ANKRD33: variants seen among roughly 807,000 people sequenced by gnomAD.
The protein encoded by ANKRD33 is photoreceptor ankyrin repeat protein.
A neutral mutation model predicts 20.6 loss-of-function variants in ANKRD33; 20 were observed. That is an observed-to-expected ratio of 0.97 (90% confidence interval 0.68 to 1.41). ANKRD33 has a LOEUF of 1.41. Among genes scored for constraint, ANKRD33 ranks in the 40% most tolerant of loss-of-function variants. ANKRD33 has a pLI of 0.00. For missense variants in ANKRD33, 545 were observed against 579.6 expected, an observed-to-expected ratio of 0.94 and a Z score of 0.61; for synonymous variants, 246 against 245.0, an observed-to-expected ratio of 1.00 and a Z score of -0.04.
Position 51,888,400 on chromosome 12 carries a change from G to A in ANKRD33, c.145+69G>A, listed in dbSNP as rs1940291788. 9.4e-6 allele frequency: 15 copies of A among 1,601,440 alleles called. No homozygotes were observed. In the Admixed American group the frequency reaches 2.5e-4, roughly 26 times the overall value. On this transcript the variant is annotated intron_variant, in intron 1 of 4. Coordinates refer to ENST00000301190, the MANE Select transcript of ANKRD33 (RefSeq NM_182608.4). ...TGCTGACCTAGAGTGAACCCTGCTT[G>A]CTTAGGGCTCCTGACCCAGCGCTTG... is the stretch of plus-strand genomic sequence containing the variant.
At position 51,891,209 on chromosome 12, in the gene ANKRD33, A is replaced by G. The variant is rs1267021413; in HGVS notation, c.1263A>G (p.Ser421=). Residue 421 remains serine (S), a synonymous_variant, in exon 5 of 5, where the codon TCA becomes TCG. Transcript: ENST00000301190. ...SHQCQPKPSP[S]GHQSLALPLW... is the part of the protein sequence containing the mutation. ...AGTGCCAGCCGAAGCCCAGTCCTTC[A>G]GGACACCAAAGTCTGGCCCTTCCTC... The G allele has an allele frequency of 6.2e-7, 1 of 1,614,264 alleles. No homozygotes were observed. Among genetic ancestry groups the G allele is most frequent in the Non-Finnish European group, 8.5e-7 (1 of 1,180,048 alleles).
chr12:51,891,294 G>A lies in ANKRD33; in HGVS notation c.1348G>A (p.Ala450Thr), dbSNP rs1221677434. 8 of 1,613,900 alleles carry A rather than the reference G, an allele frequency of 5.0e-6. No individual in the cohort carries two copies. The highest frequency in any genetic ancestry group is 1.6e-4 in the Middle Eastern group (1 of 6,084). ...KRKQEEEARM[A>T]QK ...GAAACAGGAGGAGGAGGCCAGAATG[G>A]CACAGAAGTAGGGGAAGATGGGATA... The change falls in exon 5 of 5, where the codon GCA becomes ACA. Residue 450 changes from alanine to threonine, a missense_variant. By Grantham distance (58) the Ala-to-Thr change is moderately conservative. Coordinates refer to ENST00000301190, the MANE Select transcript of ANKRD33 (RefSeq NM_182608.4).
In ANKRD33 at chr12:51,891,095, C is replaced by A. The variant is rs149562013; in HGVS notation, c.1149C>A (p.Cys383Ter). Reference sequence around the variant, plus strand: ...GCCCTCAGGGCATATTGAGCAAGTGCCTTCAGTGGCTACAACCCAGGGATA... The same window carrying A: ...GCCCTCAGGGCATATTGAGCAAGTGACTTCAGTGGCTACAACCCAGGGATA... Reference protein sequence around the residue: ...YQSPQGILSKCLQWLQPRDST... With the variant: ...YQSPQGILSK The change falls in exon 5 of 5, where the codon TGC becomes TGA. Residue 383 changes from cysteine (C) to a stop codon, truncating the protein, a stop_gained. Coordinates refer to ENST00000301190, the MANE Select transcript of ANKRD33 (RefSeq NM_182608.4). LOFTEE classifies it low-confidence loss of function (END_TRUNC). 91 of 1,614,136 alleles carry A rather than the reference C, an allele frequency of 5.6e-5. No individual in the cohort carries two copies. In the African/African-American group the frequency reaches 9.6e-4, roughly 17 times the overall value.
At chr12:51,890,220 G>C (rs1274541154) in intron 4 of ANKRD33, 2 of 415,212 alleles carry the variant, frequency 4.8e-6, no homozygotes, top group Non-Finnish European at 9.1e-6. Flanking sequence ...GAAGAACCAG[G>C]AGAGGGAACC....
At chr12:51,890,414 C>T in intron 4 of ANKRD33, 170 bp from the exon 5 acceptor site, 1 of 1,488,436 alleles carries the variant, frequency 6.7e-7, no homozygotes, top group Non-Finnish European at 9.1e-7. Context: ...GTGTCTTAAT[C>T]TCTCTTAAAC....
Position 51,888,744 on chromosome 12 carries a change from C to A in ANKRD33, c.322C>A (p.Pro108Thr). ...ALYWACVHND[P>T]TQLQAILDGG... is the part of the protein sequence containing the mutation. ...GTATTGGGCCTGTGTCCACAATGAT[C>A]CCACCCAGCTCCAAGCCATACTGGA... is the stretch of plus-strand genomic sequence containing the variant. Residue 108 changes from proline (P) to threonine (T), a missense_variant, in exon 2 of 5, where the codon CCC (proline) becomes ACC (threonine). Pro to Thr is a conservative substitution (Grantham distance 38). Transcript: ENST00000301190. 6.2e-7 allele frequency: 1 copy of A among 1,614,074 alleles called. No homozygotes were observed. The highest frequency in any genetic ancestry group is 8.5e-7 in the Non-Finnish European group (1 of 1,180,024).
Position 51,891,222 on chromosome 12 carries a change from C to G in ANKRD33, c.1276C>G (p.Leu426Val). The G allele has an allele frequency of 6.2e-7, 1 of 1,614,264 alleles. No homozygotes were observed. The highest frequency in any genetic ancestry group is 8.5e-7 in the Non-Finnish European group (1 of 1,180,050). The change falls in exon 5 of 5, where the codon CTG becomes GTG. Residue 426 changes from leucine to valine, a missense_variant. Leu to Val is a conservative substitution (Grantham distance 32). Coordinates refer to ENST00000301190, the MANE Select transcript of ANKRD33 (RefSeq NM_182608.4). Reference sequence around the variant, plus strand: ...GCCCAGTCCTTCAGGACACCAAAGTCTGGCCCTTCCTCTCTGGCGATACCA... The same window carrying G: ...GCCCAGTCCTTCAGGACACCAAAGTGTGGCCCTTCCTCTCTGGCGATACCA... ...PKPSPSGHQS[L>V]ALPLWRYQEL...
At chr12:51,888,470 G>T in intron 1 of ANKRD33, 98 bp from the exon 2 acceptor site, 1 of 1,565,520 alleles carries the variant, frequency 6.4e-7, no homozygotes. Context: ...TGGGATAAAT[G>T]TTTTCCCTGG....
At position 51,891,256 on chromosome 12, in the gene ANKRD33, G is replaced by A; in HGVS notation, c.1310G>A (p.Arg437Lys). 6.2e-7 allele frequency: 1 copy of A among 1,614,240 alleles called. No individual in the cohort carries two copies. Among genetic ancestry groups the A allele is most frequent in the Non-Finnish European group, 8.5e-7 (1 of 1,180,042 alleles). ...ALPLWRYQELRIEKRKQEEEA... is the reference protein window; with the variant it reads ...ALPLWRYQELKIEKRKQEEEA... ...CCTCTCTGGCGATACCAGGAGCTCA[G>A]GATAGAGAAGAGGAAACAGGAGGAG... The change falls in exon 5 of 5, where the codon AGG becomes AAG. Residue 437 changes from arginine to lysine, a missense_variant. Coordinates refer to ENST00000301190, the MANE Select transcript of ANKRD33 (RefSeq NM_182608.4).
rs1421900691 is a variant in ANKRD33 at position 51,888,702 on chromosome 12, TG to T, written c.281del (p.Cys94SerfsTer65). On this transcript the variant is annotated frameshift_variant, in exon 2 of 5. Transcript: ENST00000301190. ...CPGKETPTPG[C>X]RLGALYWACV... ...GGGCAAGGAGACCCCCACCCCAGGC[TG>T]CAGGCTGGGGGCCCTGTATTGGGCC... 6.2e-7 allele frequency: 1 copy of T among 1,613,692 alleles called. No individual in the cohort carries two copies. Among genetic ancestry groups the T allele is most frequent in the African/African-American group, 1.3e-5 (1 of 75,054 alleles).
Position 51,891,273 on chromosome 12 carries a change from C to T in ANKRD33, c.1327C>T (p.Gln443Ter), listed in dbSNP as rs779906105. ...YQELRIEKRK[Q>*]EEEARMAQK ...GGAGCTCAGGATAGAGAAGAGGAAA[C>T]AGGAGGAGGAGGCCAGAATGGCACA... Residue 443 changes from glutamine (Q) to a stop codon, truncating the protein, a stop_gained, in exon 5 of 5, where the codon CAG becomes TAG. Transcript: ENST00000301190. LOFTEE classifies it high-confidence loss of function. 3 of 1,614,190 alleles carry T rather than the reference C, an allele frequency of 1.9e-6. No homozygotes were observed. The highest frequency in any genetic ancestry group is 3.3e-5 in the Admixed American group (2 of 60,022).
At position 51,888,314 on chromosome 12, in the gene ANKRD33, A is replaced by G; in HGVS notation, c.128A>G (p.Asp43Gly). 6.2e-7 allele frequency: 1 copy of G among 1,614,110 alleles called. No individual in the cohort carries two copies. The highest frequency in any genetic ancestry group is 2.2e-5 in the East Asian group (1 of 44,858). Residue 43 changes from aspartate (D) to glycine (G), a missense_variant, in exon 1 of 5, where the codon GAT becomes GGT. By Grantham distance (94) the Asp-to-Gly change is moderately conservative. Coordinates refer to ENST00000301190, the MANE Select transcript of ANKRD33 (RefSeq NM_182608.4). ...WAVPRVDCLI[D>G]TLRTPNASCM... ...GTGCCCCGCGTTGACTGCCTCATAG[A>G]TACCCTACGAACCCCAAGTAAGAAA...
Position 51,888,241 on chromosome 12 carries a change from C to G in ANKRD33, c.55C>G (p.Leu19Val). The G allele has an allele frequency of 6.2e-7, 1 of 1,614,146 alleles. No individual in the cohort carries two copies. Among genetic ancestry groups the G allele is most frequent in the African/African-American group, 1.3e-5 (1 of 75,068 alleles). The change falls in exon 1 of 5, where the codon CTG (leucine) becomes GTG (valine). Residue 19 changes from leucine (L) to valine (V), a missense_variant. Coordinates refer to ENST00000301190, the MANE Select transcript of ANKRD33 (RefSeq NM_182608.4). ...CVASWGGIVH[L>V]EAFGDPVIVL... The stretch of plus-strand genomic sequence containing the variant: ...TGCTTCCTGGGGAGGGATAGTCCAC[C>G]TGGAGGCATTCGGAGACCCAGTGAT...
rs1388766887 is a variant in ANKRD33 at position 51,890,740 on chromosome 12, C to A, written c.794C>A (p.Ala265Asp). The A allele has an allele frequency of 6.2e-7, 1 of 1,604,390 alleles. No homozygotes were observed. ...CAGCACTACAAGCCCGAGTGGCCGGCCTTGTCCGGGCTCGTGGCCCAGGCC... is the reference window on the plus strand; with the variant it reads ...CAGCACTACAAGCCCGAGTGGCCGGACTTGTCCGGGCTCGTGGCCCAGGCC... Reference protein sequence around the residue: ...LSQHYKPEWPALSGLVAQAQA... With the variant: ...LSQHYKPEWPDLSGLVAQAQA... Residue 265 changes from alanine (A) to aspartate (D), a missense_variant, in exon 5 of 5, where the codon GCC (alanine) becomes GAC (aspartate). By Grantham distance (126) the Ala-to-Asp change is moderately radical (BLOSUM62 -2). Coordinates refer to ENST00000301190, the MANE Select transcript of ANKRD33 (RefSeq NM_182608.4).
chr12:51,888,237 C>G lies in ANKRD33; in HGVS notation c.51C>G (p.Val17=). 1.2e-6 allele frequency: 2 copies of G among 1,614,222 alleles called. No individual in the cohort carries two copies. The highest frequency in any genetic ancestry group is 1.1e-5 in the South Asian group (1 of 91,082). Residue 17 remains valine, a synonymous_variant, in exon 1 of 5, where the codon GTC becomes GTG. Transcript: ENST00000301190. ...VTCVASWGGI[V]HLEAFGDPVI... ...GCGTTGCTTCCTGGGGAGGGATAGT[C>G]CACCTGGAGGCATTCGGAGACCCAG...
Position 51,888,834 on chromosome 12 carries a change from T to C in ANKRD33, c.396+16T>C. ...CAATGGGAGGGTGAGATGTCCTGGC[T>C]TCCCAGAACAGCTGGGGGCATCTTT... is the stretch of plus-strand genomic sequence containing the variant. On this transcript the variant is annotated intron_variant, in intron 2 of 4. Coordinates refer to ENST00000301190, the MANE Select transcript of ANKRD33 (RefSeq NM_182608.4). 3 of 1,611,682 alleles carry C rather than the reference T, an allele frequency of 1.9e-6. 1 individual carries two copies. The Middle Eastern group carries it at 5.0e-4, about 266-fold the overall frequency.
At chr12:51,888,863 TC>T (rs755948742) in intron 2 of ANKRD33, 45 bp downstream of exon 2, 45 of 1,607,300 alleles carry the variant, frequency 2.8e-5, no homozygotes, top group Non-Finnish European at 3.6e-5. Flanking sequence ...CATCTTTGCA[TC>T]CCCACCACAC....
Position 51,888,654 on chromosome 12 carries a change from A to G in ANKRD33, c.232A>G (p.Met78Val), listed in dbSNP as rs775417387. The change falls in exon 2 of 5, where the codon ATG becomes GTG. Residue 78 changes from methionine (M) to valine (V), a missense_variant. By Grantham distance (21) the Met-to-Val change is conservative. Coordinates refer to ENST00000301190, the MANE Select transcript of ANKRD33 (RefSeq NM_182608.4). ...ELALHRRRLD[M>V]SEALPCPGKE... is the part of the protein sequence containing the mutation. ...GGCATTGCACAGGAGACGGCTGGACATGTCTGAGGCACTGCCCTGCCCGGG... is the reference window on the plus strand; with the variant it reads ...GGCATTGCACAGGAGACGGCTGGACGTGTCTGAGGCACTGCCCTGCCCGGG... 2.5e-6 allele frequency: 4 copies of G among 1,608,452 alleles called. No individual in the cohort carries two copies. The highest frequency in any genetic ancestry group is 3.4e-5 in the Admixed American group (2 of 58,992).
In ANKRD33 at chr12:51,889,203, G is replaced by T. The variant is rs371055410; in HGVS notation, c.526+7G>T. 4 of 1,614,038 alleles carry T rather than the reference G, an allele frequency of 2.5e-6. No individual in the cohort carries two copies. Among genetic ancestry groups the T allele is most frequent in the African/African-American group, 2.7e-5 (2 of 74,938 alleles). On this transcript the variant is annotated splice_region_variant and intron_variant, in intron 3 of 4. Coordinates refer to ENST00000301190, the MANE Select transcript of ANKRD33 (RefSeq NM_182608.4). ...ATGTTGGCTGCCCAAGCAGGTGTGA[G>T]GCTGCTGCACCCCACTTCCGACAGC... is the stretch of plus-strand genomic sequence containing the variant.
Sources: gnomAD v4.1 joint callset for allele counts on GRCh38, gnomAD v4.1.1 for gene constraint, MANE v1.5 for transcripts, NCBI Gene and HGNC (gene_info 2026-07-23, HGNC 2026-07-21) for gene names.